TSC2: variants seen among roughly 807,000 people sequenced by gnomAD.
The protein encoded by TSC2 is TSC complex subunit 2.
A neutral mutation model predicts 202.2 loss-of-function variants in TSC2; 29 were observed. The ratio of observed to expected loss-of-function variants is 0.14; its 90% CI spans 0.11 to 0.20. The LOEUF is 0.20. Among genes scored for constraint, TSC2 ranks in the 10% least tolerant of loss-of-function variants. The pLI is 1.00. For synonymous variants in TSC2, 1,349 were observed against 1,044.0 expected, an observed-to-expected ratio of 1.29 and a Z score of -5.63; for missense variants, 2,429 against 2,420.0, an observed-to-expected ratio of 1.00 and a Z score of -0.08.
rs928957040 is a variant in TSC2, at chr16:2,088,619, C to T, written c.*9C>T. On this transcript the variant is annotated 3_prime_UTR_variant, in exon 42 of 42. Coordinates refer to ENST00000219476, the MANE Select transcript of TSC2 (RefSeq NM_000548.5). ...TCACCGAGTTTGTGTGAGGCCGGGGCCCTCCCTCCTGCACTGGCCTTGGAC... is the reference window on the plus strand; with the variant it reads ...TCACCGAGTTTGTGTGAGGCCGGGGTCCTCCCTCCTGCACTGGCCTTGGAC... 8 of 1,599,310 alleles carry T rather than the reference C, an allele frequency of 5.0e-6. No homozygotes were observed. The highest frequency in any genetic ancestry group is 3.3e-5 in the South Asian group (3 of 90,760).
At chr16:2,064,450 C>G (rs1269876076) in intron 15 of TSC2, 23 bp downstream of exon 15, 1 of 1,612,386 alleles carries the variant, frequency 6.2e-7, no homozygotes, top group Admixed American at 1.7e-5. Flanking sequence ...GTACCCGGGG[C>G]CGGGTGCTAG....
At chr16:2,060,458 A>C (rs1203922244) in intron 10 of TSC2, among the ~76,000 whole-genome samples, 1 of 152,160 alleles carries the variant, frequency 6.6e-6, no homozygotes, top group African/African-American at 2.4e-5. Context: ...GCAGGCAGGC[A>C]TGGGGGTGGG....
chr16:2,071,295 C>T (rs2088336802), intron 17 of TSC2: 2 of 621,998 alleles, frequency 3.2e-6, no homozygotes, highest in South Asian at 1.8e-5. Flanking sequence ...GCTCTGTGAG[C>T]TCCGAGGCAA....
chr16:2,062,469 G>A (rs1436509366), intron 12 of TSC2, 28 bp from the exon 13 acceptor site: 1 of 1,585,834 alleles, frequency 6.3e-7, no homozygotes, highest in Admixed American at 1.7e-5. Flanking sequence ...GAGGGGCAGA[G>A]GGGCAACACC....
chr16:2,074,877 T>C, intron 22 of TSC2: 1 of 233,508 alleles, frequency 4.3e-6, no homozygotes, highest in Non-Finnish European at 8.6e-6. Context: ...GTGGGCCACA[T>C]GCAGGTCCTG....
At chr16:2,062,867 C>A in intron 13 of TSC2, 105 bp from the exon 14 acceptor site, 2 of 1,309,778 alleles carry the variant, frequency 1.5e-6, no homozygotes, top group African/African-American at 1.5e-5. Flanking sequence ...GTGTGCCTGG[C>A]CGCGGGAGGA....
chr16:2,086,278 A>T lies in TSC2; in HGVS notation c.4748A>T (p.Glu1583Val), dbSNP rs1596439004. 1 of 1,612,842 alleles carries T rather than the reference A, an allele frequency of 6.2e-7. No individual in the cohort carries two copies. Among genetic ancestry groups the T allele is most frequent in the Non-Finnish European group, 8.5e-7 (1 of 1,179,960 alleles). ...CTGACGGGCCTGGGCCGGCTCATCG[A>T]GCTGAAGGACTGCCAGCCGGACAAG... The part of the protein sequence containing the change: ...EFLTGLGRLI[E>V]LKDCQPDKVY... Residue 1583 changes from glutamate (E) to valine (V), a missense_variant, in exon 37 of 42, where the codon GAG (glutamate) becomes GTG (valine). Transcript: ENST00000219476.
chr16:2,083,519 A>G (rs1290269046), intron 32 of TSC2, 176 bp from the exon 33 acceptor site: 2 of 1,113,288 alleles, frequency 1.8e-6, no homozygotes, highest in Admixed American at 2.0e-5. Flanking sequence ...GGTCACGTGC[A>G]GGCCTTCCCA....
chr16:2,072,660 C>A, intron 20 of TSC2, 189 bp from the exon 21 acceptor site: 1 of 952,836 alleles, frequency 1.0e-6, no homozygotes, highest in Non-Finnish European at 1.6e-6. Flanking sequence ...CCTCACATTC[C>A]TGGTGTGTTA....
chr16:2,072,750 C>A (rs1235429783), intron 20 of TSC2, 99 bp from the exon 21 acceptor site: 4 of 1,596,200 alleles, frequency 2.5e-6, no homozygotes, highest in Non-Finnish European at 3.4e-6. Flanking sequence ...CCCTTTGCCC[C>A]CTTTCCTGGG....
chr16:2,078,832 C>T (rs970897615), intron 26 of TSC2, 200 bp from the exon 27 acceptor site: 7 of 668,820 alleles, frequency 1.0e-5, no homozygotes, highest in South Asian at 3.6e-5. Context: ...TGGTCTTCCC[C>T]ACCCAGCGTC....
intron 10 of TSC2, among the ~76,000 whole-genome samples, chr16:2,059,263 C>T (rs936572441): frequency 6.6e-6 from 1 of 151,466 alleles, no homozygotes; most frequent in African/African-American, 2.4e-5. Flanking sequence ...AGTGATCCAC[C>T]CATCTCAGAC....
chr16:2,070,892 C>T (rs139515346), intron 17 of TSC2, among the ~76,000 whole-genome samples: 1 of 152,322 alleles, frequency 6.6e-6, no homozygotes, highest in East Asian at 1.9e-4. Context: ...TGTGAAGGAC[C>T]TGCAGCAGAG....
chr16:2,081,344 G>A (rs961837657), intron 30 of TSC2: 40 of 566,546 alleles, frequency 7.1e-5, no homozygotes, highest in East Asian at 3.3e-4. Context: ...CCTTGGGTCC[G>A]GACTGTGAGG....
Position 2,072,463 on chromosome 16 carries a change from G to GGGCTCC in TSC2, c.2220+101_2220+106dup, listed in dbSNP as rs2088609951. ...AGAGCGAGTGAGACCCTTCGGGCTCGGGCTCCATTTCCCTCAAACTCAGCT... is the reference window on the plus strand; with the variant it reads ...AGAGCGAGTGAGACCCTTCGGGCTCGGGCTCCGGCTCCATTTCCCTCAAACTCAGCT... On this transcript the variant is annotated intron_variant, in intron 20 of 41. Coordinates refer to ENST00000219476, the MANE Select transcript of TSC2 (RefSeq NM_000548.5). The GGGCTCC allele has an allele frequency of 7.2e-6, 11 of 1,538,422 alleles. 1 individual carries two copies. In the South Asian group the frequency reaches 1.3e-4, roughly 18 times the overall value.
intron 32 of TSC2, chr16:2,083,308 T>G: frequency 2.2e-6 from 1 of 457,670 alleles, no homozygotes; most frequent in Admixed American, 2.4e-5. Flanking sequence ...TTCCCCCACG[T>G]CACGGAGTCT....
At chr16:2,074,046 G>A (rs780947193) in intron 21 of TSC2, among the ~76,000 whole-genome samples, 154 bp from the exon 22 acceptor site, 3 of 152,262 alleles carry the variant, frequency 2.0e-5, no homozygotes, top group Non-Finnish European at 4.4e-5. Context: ...GAGTCTGCTC[G>A]GGTAGCTCAG....
In TSC2 at chr16:2,085,263, G is replaced by A. The variant is rs45517353; in HGVS notation, c.4603G>A (p.Asp1535Asn). The change falls in exon 36 of 42, where the codon GAC (aspartate) becomes AAC (asparagine). Residue 1535 changes from aspartate (D) to asparagine (N), a missense_variant. By Grantham distance (23) the Asp-to-Asn change is conservative (BLOSUM62 1). Transcript: ENST00000219476. ...CTTTGAGCGGTCGGTGCAGCTCCTC[G>A]ACCAGATCCCATCATACGACACCCA... ...QSFERSVQLL[D>N]QIPSYDTHKI... 6.2e-6 allele frequency: 10 copies of A among 1,612,558 alleles called. No individual in the cohort carries two copies. The highest frequency in any genetic ancestry group is 8.5e-6 in the Non-Finnish European group (10 of 1,179,942).
chr16:2,087,780 C>T, intron 38 of TSC2, 83 bp from the exon 39 acceptor site: 1 of 1,501,280 alleles, frequency 6.7e-7, no homozygotes, highest in Non-Finnish European at 9.1e-7. Context: ...TGACAGGTGT[C>T]TAGCAGTGCA....
Sources: gnomAD v4.1 joint callset for allele counts (sites outside exome capture counted in the v4.1 genomes callset) on GRCh38, gnomAD v4.1.1 for gene constraint, MANE v1.5 for transcripts, NCBI Gene and HGNC (gene_info 2026-07-23, HGNC 2026-07-21) for gene names.